SETD1B: variants seen among roughly 807,000 people sequenced by gnomAD.
SETD1B encodes the protein histone-lysine N-methyltransferase SETD1B.
Under a neutral mutation model 148.0 loss-of-function variants are expected in SETD1B, and 7 were observed. The observed-to-expected ratio is 0.05, with a 90% CI of 0.03 to 0.09. SETD1B has a LOEUF of 0.09. Among genes scored for constraint, SETD1B ranks in the 10% least tolerant of loss-of-function variants. The probability of loss-of-function intolerance (pLI) is 1.00; values close to 1 mark genes in which losing one functional copy is unlikely to be tolerated. For missense variants in SETD1B, 2,155 were observed against 2,729.9 expected (o/e 0.79, Z 4.69); for synonymous variants, 1,361 against 1,186.5 (o/e 1.15, Z -3.02).
At position 121,804,671 on chromosome 12, in the gene SETD1B, A is replaced by AGCG; in HGVS notation, c.-14-50_-14-48dup. The stretch of plus-strand genomic sequence containing the variant: ...TTGGATTCTTTCGCGTGTGTGTAGA[A>AGCG]GCGGCCGCCGCCGCCGCCGCGGCGG... On this transcript the variant is annotated intron_variant, in intron 1 of 16. Coordinates refer to ENST00000604567, the MANE Select transcript of SETD1B (RefSeq NM_001353345.2). The surrounding 1 kb of genome is among the most constrained non-coding windows in gnomAD (Gnocchi z 4.6). 1.3e-6 allele frequency: 2 copies of AGCG among 1,489,314 alleles called. No homozygotes were observed. The highest frequency in any genetic ancestry group is 2.5e-5 in the East Asian group (1 of 40,198). 92.3% of individuals were successfully genotyped at this position (1,489,314 alleles called of 1,614,324 possible). A position where few individuals can be genotyped will look rare whatever the true frequency, so the allele number is the denominator to read the frequency against.
chr12:121,793,677 C>T, the SETD1B span: 69 of 1,481,760 alleles, frequency 4.7e-5, no homozygotes, highest in African/African-American at 8.3e-4. Context: ...CGGGCACTAG[C>T]GGAGCCAAGA....
chr12:121,790,608 C>G, the SETD1B span, among the ~76,000 whole-genome samples: 2 of 152,234 alleles, frequency 1.3e-5, no homozygotes, highest in Non-Finnish European at 2.9e-5. Flanking sequence ...TATGAGCAAG[C>G]CTTCCCTGGT....
intron 11 of SETD1B, 43 bp from the exon 12 acceptor site, chr12:121,822,447 G>T: frequency 6.7e-7 from 1 of 1,491,484 alleles, no homozygotes. Context: ...AGAGACGTTT[G>T]GATTGAATAG....
chr12:121,806,380 G>A (rs946639461), intron 4 of SETD1B, among the ~76,000 whole-genome samples: 3 of 152,106 alleles, frequency 2.0e-5, no homozygotes, highest in Admixed American at 1.3e-4. Context: ...ACACCCCCGC[G>A]GGCCCCCTCT....
At chr12:121,806,188 C>CCCCCCCTCACTCTTCCTTGGGAT in intron 4 of SETD1B, 83 bp downstream of exon 4, 1 of 1,407,124 alleles carries the variant, frequency 7.1e-7, no homozygotes, top group Admixed American at 2.2e-5. Flanking sequence ...GTGGGGAGGA[C>CCCCCCCTCACTCTTCCTTGGGAT]CCCCCCTCAC....
At chr12:121,792,148 T>C in the SETD1B span, among the ~76,000 whole-genome samples, 169 of 133,128 alleles carry the variant, frequency 1.3e-3, no homozygotes, top group Non-Finnish European at 2.0e-3. Flanking sequence ...CTCTCCAAGG[T>C]CTAGGTGGGG....
upstream of SETD1B, chr12:121,799,731 T>TGGGGGTGGAG (rs1308261766): frequency 6.3e-5 from 2 of 31,716 alleles, no homozygotes; most frequent in African/African-American, 1.0e-4. Flanking sequence ...GGGGGGGGGG[T>TGGGGGTGGAG]GGGGTGGGGC....
At chr12:121,815,952 T>A (rs1876275576) in intron 7 of SETD1B, among the ~76,000 whole-genome samples, 1 of 149,732 alleles carries the variant, frequency 6.7e-6, no homozygotes, top group Non-Finnish European at 1.5e-5. Flanking sequence ...CTCAGTGTCC[T>A]AAGTAGCTGG....
At chr12:121,802,245 C>G (rs763387662), upstream of SETD1B, 5 of 152,160 alleles carry the variant, frequency 3.3e-5, no homozygotes, top group Non-Finnish European at 7.3e-5. Context: ...TTATATTAGA[C>G]AAGAGAGACA....
At chr12:121,825,125 G>A (rs1876776261) in intron 12 of SETD1B, 75 bp from the exon 13 acceptor site, 1 of 1,434,624 alleles carries the variant, frequency 7.0e-7, no homozygotes, top group Admixed American at 2.1e-5. Flanking sequence ...GTGGTCTGAG[G>A]ATGGGCGGGA....
chr12:121,829,264 G>A (rs1876981659), intron 16 of SETD1B, among the ~76,000 whole-genome samples: 1 of 152,186 alleles, frequency 6.6e-6, no homozygotes, highest in South Asian at 2.1e-4. Flanking sequence ...GGTGAGAGTG[G>A]CCAAGGGGGC....
Position 121,823,481 on chromosome 12 carries a change from G to T in SETD1B, c.4902G>T (p.Glu1634Asp), listed in dbSNP as rs1363358605. ...GRDEVTEEYMELAKSRGPWRR... is the reference protein window; with the variant it reads ...GRDEVTEEYMDLAKSRGPWRR... ...ATGAGGTCACTGAGGAATACATGGA[G>T]TTGGCCAAGAGCCGGGGGCCGTGGC... The change falls in exon 12 of 17, where the codon GAG (glutamate) becomes GAT (aspartate). Residue 1634 changes from glutamate (E) to aspartate (D), a missense_variant. Glu to Asp is a conservative substitution (Grantham distance 45). This residue lies in a region of SETD1B where 862 missense variants were observed against 873.8 expected (regional missense o/e 0.99). Coordinates refer to ENST00000604567, the MANE Select transcript of SETD1B (RefSeq NM_001353345.2). 20 of 1,550,414 alleles carry T rather than the reference G, an allele frequency of 1.3e-5. No homozygotes were observed. The highest frequency in any genetic ancestry group is 1.5e-5 in the Non-Finnish European group (17 of 1,146,898).
chr12:121,805,888 G>A lies in SETD1B; in HGVS notation c.327G>A (p.Lys109=), dbSNP rs761722880. Reference sequence around the variant, plus strand: ...CTCCGAAGCAGGTGACATTTGCCAAGCTGAATGATAACATCCGTGAAAACT... The same window carrying A: ...CTCCGAAGCAGGTGACATTTGCCAAACTGAATGATAACATCCGTGAAAACT... ...PVPPKQVTFA[K]LNDNIRENFL... is the part of the protein sequence containing the mutation. Residue 109 remains lysine, a synonymous_variant, in exon 4 of 17, where the codon AAG becomes AAA. Transcript: ENST00000604567. The surrounding 1 kb of genome is among the most constrained non-coding windows in gnomAD (Gnocchi z 4.2). 14 of 1,551,452 alleles carry A rather than the reference G, an allele frequency of 9.0e-6. No homozygotes were observed. The highest frequency in any genetic ancestry group is 1.1e-5 in the Non-Finnish European group (13 of 1,146,974).
At position 121,808,376 on chromosome 12, in the gene SETD1B, C is replaced by T. The variant is rs1875850423; in HGVS notation, c.657+56C>T. 1.6e-6 allele frequency: 2 copies of T among 1,219,412 alleles called. No homozygotes were observed. Among genetic ancestry groups the T allele is most frequent in the Non-Finnish European group, 2.3e-6 (2 of 856,968 alleles). 75.5% of individuals were successfully genotyped at this position (1,219,412 alleles called of 1,614,324 possible). A position where few individuals can be genotyped will look rare whatever the true frequency, so the allele number is the denominator to read the frequency against. ...GCCAGCTCTTTGATGTGCCCCCCAC[C>T]TCTGGAAAGCCTCACCAACTCTCTT... On this transcript the variant is annotated intron_variant, in intron 5 of 16. Transcript: ENST00000604567. This position sits in a 1 kb window ranked among gnomAD's most constrained non-coding sequence, Gnocchi z 5.3.
Position 121,814,617 on chromosome 12 carries a change from C to T in SETD1B, c.2402C>T (p.Ala801Val), listed in dbSNP as rs1037138738. The stretch of plus-strand genomic sequence containing the variant: ...CCCTACCCGCCCTTCATGGCCGCTG[C>T]GGCCGCCGCTGCCTCAGCTGGGCTC... ...ACPYPPFMAA[A>V]AAAASAGLQF... Residue 801 changes from alanine to valine, a missense_variant, in exon 7 of 17, where the codon GCG becomes GTG. Coordinates refer to ENST00000604567, the MANE Select transcript of SETD1B (RefSeq NM_001353345.2). 49 of 1,542,762 alleles carry T rather than the reference C, an allele frequency of 3.2e-5. No homozygotes were observed. The highest frequency in any genetic ancestry group is 8.3e-5 in the African/African-American group (6 of 72,714).
Position 121,823,513 on chromosome 12 carries a change from C to T in SETD1B, c.4934C>T (p.Pro1645Leu). Residue 1645 changes from proline to leucine, a missense_variant, in exon 12 of 17, where the codon CCA (proline) becomes CTA (leucine). Physicochemically the swap from Pro to Leu is moderately conservative, Grantham distance 98. Around this residue, in one of 11 missense-constraint regions of SETD1B, gnomAD observed 862 missense variants for 873.8 expected, o/e 0.99. Coordinates refer to ENST00000604567, the MANE Select transcript of SETD1B (RefSeq NM_001353345.2). ...LAKSRGPWRR[P>L]PKKRHEDLVP... The stretch of plus-strand genomic sequence containing the variant: ...AAGAGCCGGGGGCCGTGGCGCCGGC[C>T]ACCTAAGAAGCGCCATGAGGACCTG... 6.4e-7 allele frequency: 1 copy of T among 1,550,914 alleles called. No individual in the cohort carries two copies. Among genetic ancestry groups the T allele is most frequent in the Admixed American group, 2.0e-5 (1 of 50,996 alleles).
chr12:121,814,058 C>G, intron 6 of SETD1B, 48 bp from the exon 7 acceptor site: 1 of 1,480,798 alleles, frequency 6.8e-7, no homozygotes, highest in Non-Finnish European at 9.1e-7. Flanking sequence ...CCGAGAGCCC[C>G]TTGGCCTTCC....
Position 121,831,515 on chromosome 12 carries a change from A to T in SETD1B, c.*1276A>T, listed in dbSNP as rs190336397. On this transcript the variant is annotated 3_prime_UTR_variant, in exon 17 of 17. Transcript: ENST00000604567. ...GGGAAAAAGGTTTTTGAAGTTCAGAACCAACTTCTGTATATAGAGGCTGCC... is the reference window on the plus strand; with the variant it reads ...GGGAAAAAGGTTTTTGAAGTTCAGATCCAACTTCTGTATATAGAGGCTGCC... 2.0e-3 allele frequency: 311 copies of T among 152,052 alleles called. No individual in the cohort carries two copies. The highest frequency in any genetic ancestry group is 6.9e-3 in the African/African-American group (285 of 41,466). 9.4% of individuals were successfully genotyped at this position (152,052 alleles called of 1,614,324 possible). A position where few individuals can be genotyped will look rare whatever the true frequency, so the allele number is the denominator to read the frequency against.
rs931184866 is a variant in SETD1B at position 121,830,577 on chromosome 12, C to T, written c.*338C>T. On this transcript the variant is annotated 3_prime_UTR_variant, in exon 17 of 17. Transcript: ENST00000604567. The surrounding 1 kb of genome is among the most constrained non-coding windows in gnomAD (Gnocchi z 5.7). The stretch of plus-strand genomic sequence containing the variant: ...CTCTTCTCTCTCCCACCATCACCCT[C>T]GGCCTCTTCCTGTGAATGCTGCTAC... 2.2e-5 allele frequency: 5 copies of T among 225,558 alleles called. No homozygotes were observed. Among genetic ancestry groups the T allele is most frequent in the Middle Eastern group, 1.5e-3 (1 of 678 alleles). The allele number at this position is 225,558 out of a possible 1,614,324, so 14.0% of individuals were successfully genotyped here.
Sources: allele counts gnomAD v4.1 joint callset (sites outside exome capture counted in the v4.1 genomes callset), GRCh38; gene constraint gnomAD v4.1.1; regional missense constraint gnomAD v4.1.1; non-coding constraint Gnocchi (gnomAD v3.1); transcripts MANE v1.5; gene names NCBI Gene and HGNC (gene_info 2026-07-23, HGNC 2026-07-21).